Variants in SORBS2 observed in about 807,000 individuals in gnomAD.
SORBS2 encodes sorbin and SH3 domain containing 2.
SORBS2 carries 46 observed loss-of-function variants against 97.7 expected under a neutral mutation model. The observed-to-expected ratio is 0.47, with a 90% CI of 0.37 to 0.60. The LOEUF is 0.60. SORBS2 is among the 20% of genes least tolerant of loss of function. The probability of loss-of-function intolerance (pLI) is 0.00; values close to 1 mark genes in which losing one functional copy is unlikely to be tolerated. For synonymous variants in SORBS2, 476 were observed against 473.4 expected, an observed-to-expected ratio of 1.01 and a Z score of -0.07; for missense variants, 1,316 against 1,282.3, an observed-to-expected ratio of 1.03 and a Z score of -0.40.
At chr4:185,911,605 T>C (rs1440660821) in intron 1 of SORBS2, among the ~76,000 whole-genome samples, 1 of 152,178 alleles carries the variant, frequency 6.6e-6, no homozygotes, top group Non-Finnish European at 1.5e-5. Context: ...ATACACATTT[T>C]AACATCTAAG....
chr4:185,763,710 C>T (rs1204774272), intron 2 of SORBS2, among the ~76,000 whole-genome samples: 1 of 152,130 alleles, frequency 6.6e-6, no homozygotes, highest in East Asian at 1.9e-4. Flanking sequence ...TAGAAACCAT[C>T]TTTTCTTTGA....
intron 12 of SORBS2, among the ~76,000 whole-genome samples, chr4:185,611,523 G>A (rs184602739): frequency 6.6e-5 from 10 of 152,064 alleles, no homozygotes; most frequent in Admixed American, 4.6e-4. Context: ...TGATACTCTC[G>A]TTTTCTCTTT....
chr4:185,871,838 T>C lies in SORBS2; in HGVS notation c.-338+84358A>G, dbSNP rs150935299. 2.6e-3 allele frequency among the ~76,000 whole-genome samples: 397 copies of C among 152,314 alleles called. 1 individual carries two copies. The highest frequency in any genetic ancestry group is 8.0e-3 in the African/African-American group (333 of 41,572). ...TGAGTTTACATTTCCCTGTGCAGAATACCTTGACAAATGGCAGCTTTCTGT... is the reference window on the plus strand; with the variant it reads ...TGAGTTTACATTTCCCTGTGCAGAACACCTTGACAAATGGCAGCTTTCTGT... On this transcript the variant is annotated intron_variant, in intron 1 of 20. Coordinates refer to the SORBS2 transcript ENST00000284776.
chr4:185,948,837 A>G (rs895824667), intron 1 of SORBS2, among the ~76,000 whole-genome samples: 3 of 151,992 alleles, frequency 2.0e-5, no homozygotes, highest in African/African-American at 7.2e-5. Context: ...AAAATATTAA[A>G]TTGTTATTTT....
chr4:185,766,857 G>A (rs1010266729), intron 2 of SORBS2, among the ~76,000 whole-genome samples: 1 of 151,918 alleles, frequency 6.6e-6, no homozygotes, highest in Non-Finnish European at 1.5e-5. Flanking sequence ...CTGTACGTGT[G>A]TTTTTCTATT....
intron 2 of SORBS2, among the ~76,000 whole-genome samples, chr4:185,712,507 C>G (rs999309635): frequency 6.6e-6 from 1 of 152,264 alleles, no homozygotes; most frequent in Non-Finnish European, 1.5e-5. Context: ...AAAAGGCTGT[C>G]ACACTGGCCT....
At chr4:185,622,846 A>G in intron 7 of SORBS2, 68 bp downstream of exon 19, 1 of 1,461,534 alleles carries the variant, frequency 6.8e-7, no homozygotes, top group Non-Finnish European at 9.2e-7. Context: ...AGATGTTGGA[A>G]TGGAAAATGA....
At chr4:185,742,371 C>T (rs2098732754) in intron 2 of SORBS2, among the ~76,000 whole-genome samples, 1 of 152,222 alleles carries the variant, frequency 6.6e-6, no homozygotes, top group Non-Finnish European at 1.5e-5. Flanking sequence ...CTTAACCTTG[C>T]ATATCACAAG....
chr4:185,933,734 T>C (rs1189667065), intron 1 of SORBS2, among the ~76,000 whole-genome samples: 1 of 152,104 alleles, frequency 6.6e-6, no homozygotes, highest in Non-Finnish European at 1.5e-5. Flanking sequence ...ACCTAATCTG[T>C]TAATTTACCA....
rs578085581 is a variant in SORBS2 at position 185,862,473 on chromosome 4, C to T, written c.-337-87107G>A. Among the ~76,000 whole-genome samples the T allele has an allele frequency of 5.3e-5, 8 of 152,352 alleles. No individual in the cohort carries two copies. The South Asian group carries it at 1.2e-3, about 24-fold the overall frequency. ...GGGTCCCAAGATGGGAGTCCAGGCT[C>T]GCCATGATGGCATGGCTGCCAAGGG... On this transcript the variant is annotated intron_variant, in intron 1 of 20. Coordinates refer to the SORBS2 transcript ENST00000284776.
intron 5 of SORBS2, among the ~76,000 whole-genome samples, chr4:185,627,516 A>G (rs2096836145): frequency 6.6e-6 from 1 of 152,176 alleles, no homozygotes; most frequent in Admixed American, 6.5e-5. Flanking sequence ...CTGTGCCCGG[A>G]CAACTAAATT....
intron 1 of SORBS2, among the ~76,000 whole-genome samples, chr4:185,852,131 T>C (rs2099218215): frequency 3.3e-5 from 5 of 152,156 alleles, no homozygotes; most frequent in Admixed American, 2.6e-4. Context: ...CAAAAATCCA[T>C]GGAGTCAACA....
intron 1 of SORBS2, among the ~76,000 whole-genome samples, chr4:185,783,983 A>C (rs1311116261): frequency 6.6e-6 from 1 of 152,180 alleles, no homozygotes; most frequent in African/African-American, 2.4e-5. Flanking sequence ...AGCCTTCCTC[A>C]CTACAGAATC....
At chr4:185,663,439 C>T (rs578135433) in intron 4 of SORBS2, among the ~76,000 whole-genome samples, 2 of 152,144 alleles carry the variant, frequency 1.3e-5, no homozygotes, top group Non-Finnish European at 2.9e-5. Flanking sequence ...CATTTCATTA[C>T]AAGCCTTGTG....
At chr4:185,897,359 A>G (rs1023930559) in intron 1 of SORBS2, among the ~76,000 whole-genome samples, 2 of 152,214 alleles carry the variant, frequency 1.3e-5, no homozygotes, top group Non-Finnish European at 2.9e-5. Flanking sequence ...ATCTGGACAG[A>G]CAGGCCTTGC....
rs146323939 is a variant in SORBS2, at chr4:185,838,841, G to A, written c.-337-63475C>T. Among the ~76,000 whole-genome samples, 1,158 of 152,278 alleles carry A rather than the reference G, an allele frequency of 7.6e-3. 20 individuals are homozygous for A. The highest frequency in any genetic ancestry group is 0.026 in the African/African-American group (1,091 of 41,550). ...TCACCACTTTGACATGGAACCTCCT[G>A]TCTCTGATAGCAGCCAAGAGGGTCA... On this transcript the variant is annotated intron_variant, in intron 1 of 20. Coordinates refer to the SORBS2 transcript ENST00000284776.
At chr4:185,931,462 A>G (rs1238361479) in intron 1 of SORBS2, among the ~76,000 whole-genome samples, 10 of 152,224 alleles carry the variant, frequency 6.6e-5, no homozygotes. Flanking sequence ...TACAAGGACG[A>G]GCGGAGACTG....
At chr4:185,667,031 C>G (rs1423850848) in intron 4 of SORBS2, among the ~76,000 whole-genome samples, 1 of 152,210 alleles carries the variant, frequency 6.6e-6, no homozygotes, top group Non-Finnish European at 1.5e-5. Context: ...AATTTTACAA[C>G]CACCTGTGGT....
exon 14 of SORBS2, chr4:185,589,707 C>T: frequency 6.2e-7 from 1 of 1,610,982 alleles, no homozygotes; most frequent in South Asian, 1.1e-5. Flanking sequence ...CACACTTTTC[C>T]ATGACATCAA....
Sources: allele counts gnomAD v4.1 joint callset (sites outside exome capture counted in the v4.1 genomes callset), GRCh38; gene constraint gnomAD v4.1.1; transcripts MANE v1.5; gene names NCBI Gene and HGNC (gene_info 2026-07-23, HGNC 2026-07-21).